Variants in DEAF1 observed in about 807,000 individuals in gnomAD.
DEAF1 encodes DEAF1 transcription factor, also known as deformed epidermal autoregulatory factor 1 homolog.
In DEAF1, 53 loss-of-function variants were observed where a neutral mutation model predicts 58.9. That is an observed-to-expected ratio of 0.90 (90% confidence interval 0.72 to 1.13). The LOEUF (loss-of-function observed/expected upper bound fraction) is 1.13. Ranked by LOEUF, DEAF1 falls within the 50% of genes most tolerant of loss-of-function variation. The pLI is 0.00. For synonymous variants in DEAF1, 385 were observed against 340.4 expected, an observed-to-expected ratio of 1.13 and a Z score of -1.44; for missense variants, 685 against 791.4, an observed-to-expected ratio of 0.87 and a Z score of 1.61.
chr11:678,495 T>C, intron 9 of DEAF1, 199 bp downstream of exon 9: 1 of 713,548 alleles, frequency 1.4e-6, no homozygotes, highest in Non-Finnish European at 2.3e-6. Context: ...AGCACACACA[T>C]GAATGGACGT....
chr11:663,935 G>A (rs540553531), intron 10 of DEAF1, among the ~76,000 whole-genome samples: 6 of 152,322 alleles, frequency 3.9e-5, no homozygotes, highest in East Asian at 3.9e-4. Flanking sequence ...AAATAGGGCC[G>A]AGTGCCATGG....
At chr11:694,554 G>A in intron 1 of DEAF1, 1 of 402,984 alleles carries the variant, frequency 2.5e-6, no homozygotes, top group Non-Finnish European at 4.3e-6. Context: ...ACGTGGGGCA[G>A]GTGTGCAGGG....
intron 5 of DEAF1, 37 bp from the exon 6 acceptor site, chr11:685,000 C>A: frequency 6.6e-7 from 1 of 1,514,548 alleles, no homozygotes; most frequent in South Asian, 1.2e-5. Context: ...ATTAGCAAGT[C>A]AGCCCCTAAA....
At chr11:689,055 C>T (rs1251066434) in intron 2 of DEAF1, among the ~76,000 whole-genome samples, 2 of 152,244 alleles carry the variant, frequency 1.3e-5, no homozygotes, top group Non-Finnish European at 2.9e-5. Context: ...CTCTGGCCTG[C>T]AGGCTCTGTT....
At chr11:703,147 G>C (rs776728903) in intron 1 of DEAF1, 1 of 1,603,716 alleles carries the variant, frequency 6.2e-7, no homozygotes, top group African/African-American at 1.3e-5. Context: ...CCTTCACCAG[G>C]TAGCTACGGA....
chr11:651,174 G>A (rs1230187678), intron 11 of DEAF1: 2 of 156,066 alleles, frequency 1.3e-5, no homozygotes, highest in Admixed American at 1.3e-4. Context: ...TGTTAGCCAA[G>A]CTGGTCTCAA....
intron 10 of DEAF1, among the ~76,000 whole-genome samples, chr11:671,137 C>T (rs989234755): frequency 6.6e-6 from 1 of 151,520 alleles, no homozygotes; most frequent in Non-Finnish European, 1.5e-5. Flanking sequence ...ACCATGTTAG[C>T]CAGGATGGTC....
chr11:664,135 C>T (rs992907153), intron 10 of DEAF1, among the ~76,000 whole-genome samples: 1 of 152,068 alleles, frequency 6.6e-6, no homozygotes, highest in Non-Finnish European at 1.5e-5. Flanking sequence ...ATCCCTTGAA[C>T]CCAGGAGGCA....
At chr11:662,071 C>T (rs969586085) in intron 10 of DEAF1, among the ~76,000 whole-genome samples, 4 of 151,978 alleles carry the variant, frequency 2.6e-5, no homozygotes, top group Non-Finnish European at 5.9e-5. Context: ...CCGAGGTGGG[C>T]GGATCACCTG....
chr11:701,299 C>T (rs915550605), intron 1 of DEAF1, among the ~76,000 whole-genome samples: 2 of 152,068 alleles, frequency 1.3e-5, no homozygotes, highest in Non-Finnish European at 2.9e-5. Context: ...CCTGCCTCAG[C>T]CCTCCCCTCC....
chr11:666,371 T>C (rs1859522521), intron 10 of DEAF1: 1 of 152,170 alleles, frequency 6.6e-6, no homozygotes, highest in Admixed American at 6.6e-5. Flanking sequence ...CAGGAAGTAC[T>C]GGACGTGTGA....
chr11:696,800 C>T (rs1861198403), upstream of DEAF1, among the ~76,000 whole-genome samples: 1 of 4,464 alleles, frequency 2.2e-4, no homozygotes, highest in Admixed American at 3.3e-3. Flanking sequence ...CCGGGGAAGG[C>T]CAGGCGCAGT....
intron 1 of DEAF1, chr11:703,670 C>G: frequency 8.1e-7 from 1 of 1,232,434 alleles, no homozygotes; most frequent in Non-Finnish European, 1.0e-6. Flanking sequence ...TCTGAGCAAC[C>G]CCAGCTCTGC....
At chr11:703,787 C>A in intron 1 of DEAF1, 1 of 1,233,212 alleles carries the variant, frequency 8.1e-7, no homozygotes, top group Non-Finnish European at 1.0e-6. Context: ...CTTAGCCACA[C>A]TTCTCCCTTC....
intron 11 of DEAF1, among the ~76,000 whole-genome samples, chr11:652,587 G>T (rs1266972998): frequency 6.7e-6 from 1 of 149,900 alleles, no homozygotes; most frequent in African/African-American, 2.5e-5. Context: ...GCAGTGAGCC[G>T]AGATCTTGCC....
intron 10 of DEAF1, among the ~76,000 whole-genome samples, chr11:661,748 C>T (rs1309691492): frequency 2.0e-5 from 3 of 152,136 alleles, no homozygotes; most frequent in Non-Finnish European, 2.9e-5. Context: ...GAATCGGCAG[C>T]GTCACGCCTG....
chr11:662,871 A>G (rs1263316870), intron 10 of DEAF1, among the ~76,000 whole-genome samples: 2 of 152,188 alleles, frequency 1.3e-5, no homozygotes, highest in African/African-American at 4.8e-5. Context: ...GTCAGCCCTC[A>G]GCACGGCAGC....
At chr11:703,415 C>T (rs1473251122) in intron 1 of DEAF1, 3 of 1,320,550 alleles carry the variant, frequency 2.3e-6, no homozygotes, top group Non-Finnish European at 2.9e-6. Context: ...CAGGAGCGCA[C>T]ACTCAGCCCT....
chr11:648,045 C>T (rs982820083), intron 11 of DEAF1, among the ~76,000 whole-genome samples: 1 of 144,946 alleles, frequency 6.9e-6, no homozygotes, highest in African/African-American at 2.6e-5. Context: ...TGGACTTGAC[C>T]CAGGCGGTGC....
Sources: allele counts gnomAD v4.1 joint callset (sites outside exome capture counted in the v4.1 genomes callset), GRCh38; gene constraint gnomAD v4.1.1; transcripts MANE v1.5; gene names NCBI Gene and HGNC (gene_info 2026-07-23, HGNC 2026-07-21).